Variants in QKI observed in about 807,000 individuals in gnomAD.
QKI encodes QKI, KH domain containing RNA binding, also known as KH domain-containing RNA-binding protein QKI.
A neutral mutation model predicts 39.0 loss-of-function variants in QKI; 10 were observed. That is an observed-to-expected ratio of 0.26 (90% confidence interval 0.16 to 0.43). QKI has a LOEUF of 0.43. QKI is among the 20% of genes least tolerant of loss of function. QKI has a pLI of 1.00. For synonymous variants in QKI, 204 were observed against 155.4 expected (o/e 1.31, Z -2.33); for missense variants, 218 against 428.0 (o/e 0.51, Z 4.33).
At position 163,577,498 on chromosome 6, in the gene QKI, G is replaced by A. The variant is rs1213563038; in HGVS notation, c.*6788G>A. 6.6e-6 allele frequency: 1 copy of A among 152,072 alleles called. No individual in the cohort carries two copies. Among genetic ancestry groups the A allele is most frequent in the Non-Finnish European group, 1.5e-5 (1 of 68,000 alleles). The allele number at this position is 152,072 out of a possible 1,614,324, so 9.4% of individuals were successfully genotyped here. ...CAAAGTGTCTAGAAAGCCCAAACAT[G>A]TATTCTTAACATAGTAGGCACCAGC... On this transcript the variant is annotated 3_prime_UTR_variant, in exon 8 of 8. Coordinates refer to ENST00000361752, the MANE Select transcript of QKI (RefSeq NM_006775.3).
intron 4 of QKI, among the ~76,000 whole-genome samples, chr6:163,548,069 A>T (rs1198980901): frequency 6.6e-6 from 1 of 152,176 alleles, no homozygotes; most frequent in Non-Finnish European, 1.5e-5. Flanking sequence ...TACGTAGTGT[A>T]TTTTGGCGAT....
intron 1 of QKI, among the ~76,000 whole-genome samples, chr6:163,427,625 A>G (rs1262303128): frequency 2.0e-5 from 3 of 152,022 alleles, no homozygotes; most frequent in Non-Finnish European, 4.4e-5. Flanking sequence ...CTCAGCAGAC[A>G]TGGAAAATAC....
chr6:163,437,049 A>G (rs187671418), intron 1 of QKI, among the ~76,000 whole-genome samples: 5 of 152,286 alleles, frequency 3.3e-5, no homozygotes, highest in South Asian at 2.1e-4. Flanking sequence ...TATCGGTGAC[A>G]TAGATACTTG....
chr6:163,421,062 A>C (rs1281072528), intron 1 of QKI, among the ~76,000 whole-genome samples: 3 of 147,916 alleles, frequency 2.0e-5, no homozygotes, highest in African/African-American at 4.8e-5. Flanking sequence ...GGGTATGTGC[A>C]CATGGTTTAA....
intron 3 of QKI, among the ~76,000 whole-genome samples, chr6:163,534,558 T>A (rs1781076083): frequency 2.0e-5 from 3 of 152,256 alleles, no homozygotes; most frequent in Admixed American, 2.0e-4. Context: ...GGTGACCCCC[T>A]TAACCTTGAT....
chr6:163,565,063 CAA>C, intron 6 of QKI: 1 of 1,073,068 alleles, frequency 9.3e-7, no homozygotes, highest in Non-Finnish European at 1.1e-6. Context: ...GTTTCATGAA[CAA>C]ATACATTTCA....
chr6:163,416,964 G>A (rs1324344221), intron 1 of QKI, among the ~76,000 whole-genome samples: 1 of 151,698 alleles, frequency 6.6e-6, no homozygotes, highest in African/African-American at 2.4e-5. Context: ...ATTTCCAAAT[G>A]TGAGCGCTAA....
intron 1 of QKI, 21 bp downstream of exon 1, chr6:163,415,356 G>T: frequency 6.4e-7 from 1 of 1,572,710 alleles, no homozygotes. Context: ...CCAGGGCCCC[G>T]GCCCCGGCCC....
intron 3 of QKI, among the ~76,000 whole-genome samples, chr6:163,479,490 G>A (rs949278728): frequency 7.2e-5 from 11 of 151,958 alleles, no homozygotes; most frequent in African/African-American, 2.4e-4. Context: ...TCCTGCCTCA[G>A]GCTCCTGAGT....
At chr6:163,442,452 A>G (rs1183971536) in intron 1 of QKI, among the ~76,000 whole-genome samples, 1 of 152,194 alleles carries the variant, frequency 6.6e-6, no homozygotes, top group Non-Finnish European at 1.5e-5. Context: ...GTGACATCTC[A>G]CTTGGATTTC....
intron 1 of QKI, among the ~76,000 whole-genome samples, chr6:163,415,541 C>A (rs1787382126): frequency 6.6e-6 from 1 of 151,330 alleles, no homozygotes; most frequent in Admixed American, 6.6e-5. Flanking sequence ...CGGTGCCGGA[C>A]GCCCCCTGCC....
intron 1 of QKI, among the ~76,000 whole-genome samples, chr6:163,449,464 A>G (rs1790388280): frequency 6.6e-6 from 1 of 152,222 alleles, no homozygotes; most frequent in Non-Finnish European, 1.5e-5. Context: ...GTGAAAAAAT[A>G]TATATGTCTA....
intron 1 of QKI, among the ~76,000 whole-genome samples, chr6:163,448,125 A>G (rs1790286113): frequency 6.6e-6 from 1 of 152,188 alleles, no homozygotes; most frequent in Non-Finnish European, 1.5e-5. Flanking sequence ...GGAAAATCGA[A>G]TTAACATTGT....
chr6:163,496,055 T>G (rs1778386174), intron 3 of QKI, among the ~76,000 whole-genome samples: 1 of 152,198 alleles, frequency 6.6e-6, no homozygotes, highest in African/African-American at 2.4e-5. Flanking sequence ...TCCCTTTACA[T>G]TTGTTAGTTA....
chr6:163,517,920 G>A (rs1779931498), intron 3 of QKI, among the ~76,000 whole-genome samples: 1 of 152,108 alleles, frequency 6.6e-6, no homozygotes, highest in Non-Finnish European at 1.5e-5. Context: ...AGGTAAATCT[G>A]GTAACCTGGT....
intron 3 of QKI, among the ~76,000 whole-genome samples, chr6:163,480,859 G>C (rs1793022916): frequency 6.6e-6 from 1 of 152,152 alleles, no homozygotes; most frequent in Admixed American, 6.5e-5. Flanking sequence ...GAAAAGATTA[G>C]TATATATTCA....
chr6:163,564,568 CT>C, intron 6 of QKI: 1 of 1,594,258 alleles, frequency 6.3e-7, no homozygotes, highest in South Asian at 1.1e-5. Context: ...CAGAATCTCA[CT>C]TAAGGCAGAA....
intron 3 of QKI, among the ~76,000 whole-genome samples, chr6:163,487,062 C>A (rs1562479868): frequency 6.6e-6 from 1 of 152,170 alleles, no homozygotes; most frequent in Non-Finnish European, 1.5e-5. Context: ...GTGATTGATA[C>A]ACCAGAGTGG....
At chr6:163,523,876 C>T (rs1327384141) in intron 3 of QKI, among the ~76,000 whole-genome samples, 1 of 152,062 alleles carries the variant, frequency 6.6e-6, no homozygotes, top group Non-Finnish European at 1.5e-5. Context: ...CCATTATGTA[C>T]ACTGGAATAT....
Sources: gnomAD v4.1 joint callset for allele counts (sites outside exome capture counted in the v4.1 genomes callset) on GRCh38, gnomAD v4.1.1 for gene constraint, MANE v1.5 for transcripts, NCBI Gene and HGNC (gene_info 2026-07-23, HGNC 2026-07-21) for gene names.